CSRP3: variants seen among roughly 807,000 people sequenced by gnomAD.
The protein encoded by CSRP3 is cysteine and glycine-rich protein 3.
CSRP3 carries 24 observed loss-of-function variants against 24.3 expected under a neutral mutation model. The ratio of observed to expected loss-of-function variants is 0.99; its 90% CI spans 0.71 to 1.39. The LOEUF (loss-of-function observed/expected upper bound fraction) is 1.39, where lower values mean the gene tolerates loss of function less well. CSRP3 is among the 40% of genes most tolerant of loss of function. The pLI is 0.00. For missense variants in CSRP3, 240 were observed against 249.0 expected (o/e 0.96, Z 0.24); for synonymous variants, 105 against 94.0 (o/e 1.12, Z -0.68).
At position 19,198,234 on chromosome 11, in the gene CSRP3, C is replaced by T. The variant is rs181423505; in HGVS notation, c.-29+3720G>A. Among the ~76,000 whole-genome samples, 49 of 152,302 alleles carry T rather than the reference C, an allele frequency of 3.2e-4. No individual in the cohort carries two copies. In the South Asian group the frequency reaches 4.3e-3, roughly 14 times the overall value. On this transcript the variant is annotated intron_variant, in intron 1 of 5. Coordinates refer to ENST00000265968, the MANE Select transcript of CSRP3 (RefSeq NM_003476.5). Reference sequence around the variant, plus strand: ...GTCACACAGCTAGTAATTGGAAGAGCTGCCATTTAACCCCCCGTTAAGCTG... The same window carrying T: ...GTCACACAGCTAGTAATTGGAAGAGTTGCCATTTAACCCCCCGTTAAGCTG...
rs1850445922 is a variant in CSRP3 at position 19,182,213 on chromosome 11, C to A, written c.*457G>T. 1 of 162,386 alleles carries A rather than the reference C, an allele frequency of 6.2e-6. No homozygotes were observed. The highest frequency in any genetic ancestry group is 1.7e-4 in the East Asian group (1 of 6,020). The allele number at this position is 162,386 out of a possible 1,614,324, so 10.1% of individuals were successfully genotyped here. ...TATTTTCTCCCAGACCCCCTGTTTT[C>A]TTCTCCATTAGCAGTAACTAGAAAG... On this transcript the variant is annotated 3_prime_UTR_variant, in exon 6 of 6. Coordinates refer to ENST00000265968, the MANE Select transcript of CSRP3 (RefSeq NM_003476.5).
chr11:19,197,500 C>CAT (rs1850747452), intron 1 of CSRP3, among the ~76,000 whole-genome samples: 1 of 99,176 alleles, frequency 1.0e-5, no homozygotes, highest in African/African-American at 4.0e-5. Context: ...TCCCTCTTTT[C>CAT]CTCTTTCTTT....
At chr11:19,188,017 G>T in intron 3 of CSRP3, 119 bp downstream of exon 3, 1 of 1,171,362 alleles carries the variant, frequency 8.5e-7, no homozygotes, top group Non-Finnish European at 1.3e-6. Context: ...TCCTATTGTT[G>T]GCAAGTCAAC....
Position 19,182,252 on chromosome 11 carries a change from A to G in CSRP3, c.*418T>C. ...GTAACTAGAAAGACACTTGGCTGAC[A>G]GATTCTGAAAGACTGCTTTCCTTTG... is the stretch of plus-strand genomic sequence containing the variant. On this transcript the variant is annotated 3_prime_UTR_variant, in exon 6 of 6. Coordinates refer to ENST00000265968, the MANE Select transcript of CSRP3 (RefSeq NM_003476.5). The G allele has an allele frequency of 5.6e-6, 1 of 177,188 alleles. No homozygotes were observed. The highest frequency in any genetic ancestry group is 1.2e-5 in the Non-Finnish European group (1 of 81,836). The allele number at this position is 177,188 out of a possible 1,614,324, so 11.0% of individuals were successfully genotyped here. A position where few individuals can be genotyped will look rare whatever the true frequency, so the allele number is the denominator to read the frequency against.
rs1187710437 is a variant in CSRP3 at position 19,188,288 on chromosome 11, AG to A, written c.128del (p.Ala43ValfsTer165). On this transcript the variant is annotated frameshift_variant, in exon 3 of 6. Coordinates refer to ENST00000265968, the MANE Select transcript of CSRP3 (RefSeq NM_003476.5). LOFTEE classifies it high-confidence loss of function. The stretch of plus-strand genomic sequence containing the variant: ...GAGCCGCGACTGTCGTGCTGTCAAG[AG>A]CCTTCCTGCAGGCCACTGCCAGGAA... ...TCFHCMACRK[A>X]LDSTTVAAHE... is the part of the protein sequence containing the mutation. 5 of 1,612,462 alleles carry A rather than the reference AG, an allele frequency of 3.1e-6. No individual in the cohort carries two copies. The highest frequency in any genetic ancestry group is 1.7e-5 in the Admixed American group (1 of 60,028).
chr11:19,185,069 T>C, intron 4 of CSRP3, 24 bp from the exon 5 acceptor site: 1 of 1,565,212 alleles, frequency 6.4e-7, no homozygotes, highest in South Asian at 1.1e-5. Flanking sequence ...AAAAGTTGCA[T>C]ATTTAATGAG....
At chr11:19,201,426 T>C (rs1590111197) in intron 1 of CSRP3, among the ~76,000 whole-genome samples, 1 of 152,246 alleles carries the variant, frequency 6.6e-6, no homozygotes, top group Non-Finnish European at 1.5e-5. Flanking sequence ...AGCTGTCTTA[T>C]ATATTGCATC....
intron 1 of CSRP3, among the ~76,000 whole-genome samples, chr11:19,193,525 T>C (rs1000878781): frequency 5.3e-5 from 8 of 152,214 alleles, no homozygotes; most frequent in Non-Finnish European, 1.2e-4. Context: ...AAAATAATTG[T>C]CCTCTGTATT....
chr11:19,187,787 T>C (rs969220302), intron 3 of CSRP3, among the ~76,000 whole-genome samples: 1 of 152,196 alleles, frequency 6.6e-6, no homozygotes, highest in Non-Finnish European at 1.5e-5. Flanking sequence ...TGCCCTGCCA[T>C]ATTTGTGTGA....
chr11:19,189,753 A>G (rs1311484817), intron 2 of CSRP3, among the ~76,000 whole-genome samples: 2 of 152,260 alleles, frequency 1.3e-5, no homozygotes, highest in Admixed American at 6.5e-5. Flanking sequence ...GTGTTAAAAA[A>G]TATCTGTACC....
At position 19,185,952 on chromosome 11, in the gene CSRP3, T is replaced by C. The variant is rs77264304; in HGVS notation, c.414+264A>G. On this transcript the variant is annotated intron_variant, in intron 4 of 5. Coordinates refer to ENST00000265968, the MANE Select transcript of CSRP3 (RefSeq NM_003476.5). ...AGGGTAGACGGGCTTTTGCTTTGTA[T>C]CCCAGAACTTTCAGCTGGGTGCCTT... Among the ~76,000 whole-genome samples, 455 of 152,188 alleles carry C rather than the reference T, an allele frequency of 3.0e-3. 2 individuals carry two copies. The highest frequency in any genetic ancestry group is 9.7e-3 in the African/African-American group (403 of 41,504).
At chr11:19,198,006 T>G (rs555749790) in intron 1 of CSRP3, among the ~76,000 whole-genome samples, 1 of 152,334 alleles carries the variant, frequency 6.6e-6, no homozygotes, top group South Asian at 2.1e-4. Flanking sequence ...GGAAATTACA[T>G]TAGTCCAAGT....
chr11:19,191,772 G>T (rs1489405004), intron 2 of CSRP3, among the ~76,000 whole-genome samples: 1 of 152,192 alleles, frequency 6.6e-6, no homozygotes, highest in Non-Finnish European at 1.5e-5. Context: ...GTGTGAGTCA[G>T]TGTCTGGCGG....
At chr11:19,197,503 CTTT>C (rs1850749507) in intron 1 of CSRP3, among the ~76,000 whole-genome samples, 2 of 54,852 alleles carry the variant, frequency 3.6e-5, no homozygotes, top group Non-Finnish European at 3.8e-5. Context: ...CTCTTTTCCT[CTTT>C]CTTTCTTTCT....
intron 1 of CSRP3, 100 bp from the exon 2 acceptor site, chr11:19,192,576 T>C: frequency 2.7e-6 from 2 of 744,064 alleles, no homozygotes; most frequent in Non-Finnish European, 4.8e-6. Context: ...CAGCCCAATT[T>C]TTTTTTAGTG....
Position 19,185,009 on chromosome 11 carries a change from C to T in CSRP3, c.451G>A (p.Gly151Arg). The change falls in exon 5 of 6, where the codon GGG becomes AGG. Residue 151 changes from glycine to arginine, a missense_variant. By Grantham distance (125) the Gly-to-Arg change is moderately radical. Coordinates refer to ENST00000265968, the MANE Select transcript of CSRP3 (RefSeq NM_003476.5). Reference protein sequence around the residue: ...HKTCFRCAICGKSLESTNVTD... With the variant: ...HKTCFRCAICRKSLESTNVTD... ...ACATTTGTGGACTCCAGACTCTTCCCACAGATGGCACAGCGGAAACAGGTC... is the reference window on the plus strand; with the variant it reads ...ACATTTGTGGACTCCAGACTCTTCCTACAGATGGCACAGCGGAAACAGGTC... 6.2e-7 allele frequency: 1 copy of T among 1,614,240 alleles called. No individual in the cohort carries two copies.
intron 1 of CSRP3, among the ~76,000 whole-genome samples, chr11:19,193,797 A>T (rs2133518098): frequency 6.6e-6 from 1 of 152,352 alleles, no homozygotes; most frequent in East Asian, 1.9e-4. Flanking sequence ...CAGCCTGGGC[A>T]ACAGAGCGAG....
At chr11:19,185,455 C>G (rs1850509439) in intron 4 of CSRP3, among the ~76,000 whole-genome samples, 1 of 152,194 alleles carries the variant, frequency 6.6e-6, no homozygotes, top group African/African-American at 2.4e-5. Flanking sequence ...CTTGTTTTAA[C>G]TCTCTGGTTT....
chr11:19,182,512 CCT>C lies in CSRP3; in HGVS notation c.*156_*157del. ...ACTTTACATAATTTTCTTCCAAAGGCCTCTTCTAACATTCAGTAAAGACCTGA... is the reference window on the plus strand; with the variant it reads ...ACTTTACATAATTTTCTTCCAAAGGCCTTCTAACATTCAGTAAAGACCTGA... On this transcript the variant is annotated 3_prime_UTR_variant, in exon 6 of 6. Transcript: ENST00000265968. The C allele has an allele frequency of 1.4e-6, 1 of 713,214 alleles. No individual in the cohort carries two copies. 44.2% of individuals were successfully genotyped at this position (713,214 alleles called of 1,614,324 possible).
Sources: gnomAD v4.1 joint callset for allele counts (sites outside exome capture counted in the v4.1 genomes callset) on GRCh38, gnomAD v4.1.1 for gene constraint, MANE v1.5 for transcripts, NCBI Gene and HGNC (gene_info 2026-07-23, HGNC 2026-07-21) for gene names.